The following CAND2 variants were observed in gnomAD, a reference collection of about 807,000 sequenced individuals.
CAND2 encodes cullin-associated NEDD8-dissociated protein 2.
A neutral mutation model predicts 98.9 loss-of-function variants in CAND2; 62 were observed. The observed-to-expected ratio is 0.63, with a 90% CI of 0.51 to 0.77. The LOEUF is 0.77. CAND2 is among the 30% of genes least tolerant of loss of function. The pLI, the probability that CAND2 is intolerant of heterozygous loss-of-function variation, is 0.00. For missense variants in CAND2, 1,501 were observed against 1,655.2 expected, an observed-to-expected ratio of 0.91 and a Z score of 1.62; for synonymous variants, 770 against 731.9, an observed-to-expected ratio of 1.05 and a Z score of -0.84.
intron 10 of CAND2, among the ~76,000 whole-genome samples, chr3:12,819,013 T>C (rs566084976): frequency 6.6e-6 from 1 of 152,348 alleles, no homozygotes; most frequent in South Asian, 2.1e-4. Flanking sequence ...CTGGGAAGCT[T>C]AGAGCCAGAT....
At position 12,812,992 on chromosome 3, in the gene CAND2, G is replaced by T. The variant is rs62637649; in HGVS notation, c.760G>T (p.Ala254Ser). The change falls in exon 6 of 15, where the codon GCT becomes TCT. Residue 254 changes from alanine to serine, a missense_variant and splice_region_variant. By Grantham distance (99) the Ala-to-Ser change is moderately conservative (BLOSUM62 1). Coordinates refer to ENST00000456430, the MANE Select transcript of CAND2 (RefSeq NM_001162499.2). ...VGRQAGHRLG[A>S]HLDRLVPLVE... ...CAGTGATCCACCTGGCCCTGCAGGG[G>T]CTCACCTGGACCGCCTGGTGCCCCT... 497 of 1,566,444 alleles carry T rather than the reference G, an allele frequency of 3.2e-4. No homozygotes were observed. The African/African-American group carries it at 6.1e-3, about 19-fold the overall frequency.
At chr3:12,811,648 C>T (rs1268222053) in intron 5 of CAND2, among the ~76,000 whole-genome samples, 4 of 151,626 alleles carry the variant, frequency 2.6e-5, no homozygotes, top group South Asian at 2.1e-4. Context: ...CTCGGCTCAC[C>T]GCAACCTCCG....
chr3:12,824,118 T>C (rs4684887), intron 11 of CAND2, among the ~76,000 whole-genome samples: 106,937 of 152,086 alleles, frequency 0.7, 38,173 homozygotes, highest in African/African-American at 0.82. Flanking sequence ...CCAGCCTGGG[T>C]AACATAGTGA....
In CAND2 at chr3:12,815,352, AAC is replaced by A. The variant is rs780373526; in HGVS notation, c.1222_1223del (p.Gln408AlafsTer38). On this transcript the variant is annotated frameshift_variant, in exon 8 of 15. Coordinates refer to ENST00000456430, the MANE Select transcript of CAND2 (RefSeq NM_001162499.2). LOFTEE classifies it high-confidence loss of function. This position sits in a 1 kb window ranked among gnomAD's most constrained non-coding sequence, Gnocchi z 5.7. ...FTAYIVLLRQ[T>X]QPPKGWLEAM... ...CTGCTTACATCGTGCTGCTGCGGCA[AAC>A]ACAGCCCCCGAAGGGATGGCTGGAG... The A allele has an allele frequency of 6.2e-7, 1 of 1,613,984 alleles. No individual in the cohort carries two copies. The highest frequency in any genetic ancestry group is 1.1e-5 in the South Asian group (1 of 91,088).
chr3:12,833,699 A>G, intron 14 of CAND2, 56 bp from the exon 15 acceptor site: 1 of 1,355,340 alleles, frequency 7.4e-7, no homozygotes, highest in East Asian at 2.3e-5. Flanking sequence ...GTGAGGAGGC[A>G]GTGGTGTGGG....
intron 5 of CAND2, among the ~76,000 whole-genome samples, chr3:12,811,124 T>TG (rs58543831): frequency 0.012 from 1,709 of 144,452 alleles, 20 homozygotes; most frequent in African/African-American, 0.033. Context: ...CGGCGGGGGG[T>TG]GGGGGGGGGA....
Position 12,807,429 on chromosome 3 carries a change from C to A in CAND2, c.336C>A (p.Thr112=), listed in dbSNP as rs751554447. The A allele has an allele frequency of 7.1e-6, 11 of 1,551,642 alleles. No homozygotes were observed. Among genetic ancestry groups the A allele is most frequent in the Non-Finnish European group, 8.7e-6 (10 of 1,146,966 alleles). The change falls in exon 3 of 15, where the codon ACC becomes ACA. Residue 112 remains threonine, a synonymous_variant. Transcript: ENST00000456430. The stretch of plus-strand genomic sequence containing the variant: ...ACATTGCCGGCATTGGCCTCAAGAC[C>A]GTCCTCTCGGAGCTCCCTCCTGCAG... ...LRDIAGIGLK[T]VLSELPPAAT...
At chr3:12,824,407 G>A (rs1166179490) in intron 11 of CAND2, among the ~76,000 whole-genome samples, 1 of 152,198 alleles carries the variant, frequency 6.6e-6, no homozygotes, top group African/African-American at 2.4e-5. Context: ...ATCCCATGGT[G>A]GAAGGAAGGG....
Position 12,798,698 on chromosome 3 carries a change from C to T in CAND2, c.68+1910C>T, listed in dbSNP as rs149379081. ...GAGAGGGAGTTGGCCCTGCCAGCTA[C>T]AGCCCGAGAAGCCCTTTCAGCCTGT... is the stretch of plus-strand genomic sequence containing the variant. On this transcript the variant is annotated intron_variant, in intron 1 of 14. Transcript: ENST00000456430. Among the ~76,000 whole-genome samples, 587 of 152,328 alleles carry T rather than the reference C, an allele frequency of 3.9e-3. 5 individuals are homozygous for T. Among genetic ancestry groups the T allele is most frequent in the Non-Finnish European group, 6.2e-3 (423 of 68,026 alleles).
intron 13 of CAND2, among the ~76,000 whole-genome samples, chr3:12,830,084 CCT>C (rs2062040730): frequency 6.6e-6 from 1 of 152,140 alleles, no homozygotes; most frequent in Admixed American, 6.5e-5. Flanking sequence ...AGCGGGCGTG[CCT>C]CTGACCACTC....
chr3:12,815,737 C>T lies in CAND2; in HGVS notation c.1300-130C>T, dbSNP rs934684774. The T allele has an allele frequency of 1.4e-5, 13 of 903,032 alleles. No homozygotes were observed. Among genetic ancestry groups the T allele is most frequent in the African/African-American group, 3.3e-5 (2 of 59,738 alleles). The allele number at this position is 903,032 out of a possible 1,614,324, so 55.9% of individuals were successfully genotyped here. A position where few individuals can be genotyped will look rare whatever the true frequency, so the allele number is the denominator to read the frequency against. On this transcript the variant is annotated intron_variant, in intron 8 of 14. Transcript: ENST00000456430. The surrounding 1 kb of genome is among the most constrained non-coding windows in gnomAD (Gnocchi z 5.7). ...CAAAAGCCTGGCACAGAGTGAGGGA[C>T]GAGTGCTTGGGAGATATCTTGATGC...
Position 12,802,994 on chromosome 3 carries a change from T to TC in CAND2, c.69-494_69-493insC, listed in dbSNP as rs2061777330. On this transcript the variant is annotated intron_variant, in intron 1 of 14. Transcript: ENST00000456430. ...AGGGCAGCTCCATTAAAATCTTTTT[T>TC]TTTTTTTTTTTTGGAGACGGAGTCT... Among the ~76,000 whole-genome samples, 4 of 150,824 alleles carry TC rather than the reference T, an allele frequency of 2.7e-5. 1 individual carries two copies. The highest frequency in any genetic ancestry group is 2.6e-4 in the Admixed American group (4 of 15,184).
At chr3:12,812,361 C>G (rs1256277359) in intron 5 of CAND2, among the ~76,000 whole-genome samples, 2 of 146,566 alleles carry the variant, frequency 1.4e-5, no homozygotes, top group Non-Finnish European at 3.0e-5. Context: ...ATAGCTGGGA[C>G]TACAGGTGTG....
Position 12,813,239 on chromosome 3 carries a change from C to A in CAND2, c.864-7C>A, listed in dbSNP as rs1379076194. On this transcript the variant is annotated splice_polypyrimidine_tract_variant and splice_region_variant and intron_variant, in intron 6 of 14. Coordinates refer to ENST00000456430, the MANE Select transcript of CAND2 (RefSeq NM_001162499.2). ...TCCAGCAAAGCATTCCTCATCCTGCCCCACAGGTGCCCCAAGGAAATGGGT... is the reference window on the plus strand; with the variant it reads ...TCCAGCAAAGCATTCCTCATCCTGCACCACAGGTGCCCCAAGGAAATGGGT... 3 of 1,612,472 alleles carry A rather than the reference C, an allele frequency of 1.9e-6. No individual in the cohort carries two copies. The highest frequency in any genetic ancestry group is 1.7e-6 in the Non-Finnish European group (2 of 1,179,574).
chr3:12,819,975 T>C, intron 10 of CAND2, 111 bp from the exon 11 acceptor site: 1 of 796,464 alleles, frequency 1.3e-6, no homozygotes, highest in Non-Finnish European at 2.1e-6. Context: ...GGGGAGGGGG[T>C]ACAGTTCTGT....
In CAND2 at chr3:12,833,992, C is replaced by T. The variant is rs776970065; in HGVS notation, c.*10C>T. 3.1e-6 allele frequency: 5 copies of T among 1,609,742 alleles called. No homozygotes were observed. Among genetic ancestry groups the T allele is most frequent in the East Asian group, 2.2e-5 (1 of 44,866 alleles). On this transcript the variant is annotated 3_prime_UTR_variant, in exon 15 of 15. Transcript: ENST00000456430. ...AATGGAGCTCAGCTAGTCCCCTCAGCACCAAGGTGGGCCCTCGCTTAAGAG... is the reference window on the plus strand; with the variant it reads ...AATGGAGCTCAGCTAGTCCCCTCAGTACCAAGGTGGGCCCTCGCTTAAGAG...
In CAND2 at chr3:12,808,192, A is replaced by T; in HGVS notation, c.368-18A>T. On this transcript the variant is annotated intron_variant, in intron 3 of 14. Transcript: ENST00000456430. ...CCCAGGCCAGGGCCTCACTGTGCCC[A>T]CCTTGTGCCCTGTGCAGGCTCCGGG... The T allele has an allele frequency of 1.3e-6, 2 of 1,550,506 alleles. No individual in the cohort carries two copies. Among genetic ancestry groups the T allele is most frequent in the Non-Finnish European group, 1.7e-6 (2 of 1,146,754 alleles).
At chr3:12,808,775 G>A (rs559453231) in intron 4 of CAND2, among the ~76,000 whole-genome samples, 8 of 152,338 alleles carry the variant, frequency 5.3e-5, no homozygotes, top group Non-Finnish European at 1.0e-4. Context: ...CCTTCGAGGA[G>A]GGGCAGGACT....
intron 7 of CAND2, among the ~76,000 whole-genome samples, chr3:12,814,692 A>T (rs1289037724): frequency 1.3e-5 from 2 of 152,034 alleles, no homozygotes; most frequent in Non-Finnish European, 2.9e-5. Flanking sequence ...ATGCCAAAAG[A>T]TGAGTTTTGT....
Sources: allele counts gnomAD v4.1 joint callset (sites outside exome capture counted in the v4.1 genomes callset), GRCh38; gene constraint gnomAD v4.1.1; non-coding constraint Gnocchi (gnomAD v3.1); transcripts MANE v1.5; gene names NCBI Gene and HGNC (gene_info 2026-07-23, HGNC 2026-07-21).